Variants in TRMT11 observed in about 807,000 individuals in gnomAD.
TRMT11 encodes tRNA (guanine(10)-N(2))-methyltransferase TRMT11.
Under a neutral mutation model 62.8 loss-of-function variants are expected in TRMT11, and 53 were observed. The ratio of observed to expected loss-of-function variants is 0.84; its 90% confidence interval spans 0.68 to 1.06. TRMT11 has a LOEUF of 1.06. Among genes scored for constraint, TRMT11 ranks in the 50% least tolerant of loss-of-function variants. The pLI is 0.00. For synonymous variants in TRMT11, 188 were observed against 190.3 expected (o/e 0.99, Z 0.10); for missense variants, 556 against 553.4 (o/e 1.00, Z -0.05).
chr6:126,213,955 A>T, the TRMT11 span, among the ~76,000 whole-genome samples: 3 of 151,904 alleles, frequency 2.0e-5, no homozygotes, highest in Admixed American at 2.0e-4. Context: ...TTAATGAAGG[A>T]ATGTTAAATT....
At chr6:126,040,321 C>CTA (rs1383517314), downstream of TRMT11, among the ~76,000 whole-genome samples, 1 of 152,064 alleles carries the variant, frequency 6.6e-6, no homozygotes, top group East Asian at 1.9e-4. Flanking sequence ...GTCTTCTAAA[C>CTA]TATGATTCCT....
At chr6:126,125,872 T>C (rs932165064) in intron 21 of TRMT11, among the ~76,000 whole-genome samples, 15 of 152,212 alleles carry the variant, frequency 9.9e-5, no homozygotes, top group Middle Eastern at 3.4e-3. Context: ...TTAGACTATA[T>C]TGTCAACATT....
intron 21 of TRMT11, among the ~76,000 whole-genome samples, chr6:126,115,882 C>T (rs1165826168): frequency 6.6e-6 from 1 of 151,928 alleles, no homozygotes; most frequent in Non-Finnish European, 1.5e-5. Context: ...TTTGAGTACT[C>T]CCCAAATCAG....
At chr6:126,261,731 G>T in the TRMT11 span, among the ~76,000 whole-genome samples, 1 of 152,172 alleles carries the variant, frequency 6.6e-6, no homozygotes, top group Non-Finnish European at 1.5e-5. Context: ...TTGCCTTACT[G>T]GTCTAGGCTG....
At chr6:126,271,363 C>CAAAAA in the TRMT11 span, among the ~76,000 whole-genome samples, 345 of 35,762 alleles carry the variant, frequency 9.6e-3, no homozygotes, top group Middle Eastern at 0.036. Context: ...GACTCCATCT[C>CAAAAA]AAAAAAAAAA....
In TRMT11 at chr6:126,178,648, A is replaced by G. The variant is rs117317357; in HGVS notation, n.143+1313A>G. Among the ~76,000 whole-genome samples, 982 of 152,312 alleles carry G rather than the reference A, an allele frequency of 6.4e-3. 7 individuals carry two copies. The highest frequency in any genetic ancestry group is 0.012 in the Admixed American group (176 of 15,292). On this transcript the variant is annotated intron_variant and non_coding_transcript_variant, in intron 1 of 3. Coordinates refer to the TRMT11 transcript ENST00000444229. ...AAGTTGATTGAAATCCTAAGTATGT[A>G]TAGCGCATGTTTCCTTAGGGTCACC...
chr6:126,198,677 G>A (rs1415252090), intron 1 of TRMT11: 1 of 152,206 alleles, frequency 6.6e-6, no homozygotes, highest in East Asian at 1.9e-4. Flanking sequence ...TTGTCTGAAA[G>A]GCTGCCACAG....
chr6:126,244,518 T>C, the TRMT11 span, among the ~76,000 whole-genome samples: 2 of 152,154 alleles, frequency 1.3e-5, no homozygotes, highest in East Asian at 3.8e-4. Flanking sequence ...GGGCAACTAT[T>C]ACAAGCTTTG....
chr6:126,271,191 C>T, the TRMT11 span, among the ~76,000 whole-genome samples: 596 of 151,442 alleles, frequency 3.9e-3, 6 homozygotes, highest in African/African-American at 0.014. Context: ...TGGTGAAATC[C>T]GATCTCTACT....
intron 17 of TRMT11, among the ~76,000 whole-genome samples, chr6:126,084,579 T>C (rs552415144): frequency 1.3e-5 from 2 of 152,160 alleles, no homozygotes; most frequent in Non-Finnish European, 2.9e-5. Flanking sequence ...TGTAGTCTCA[T>C]TTATGTATTT....
chr6:126,242,056 T>A, the TRMT11 span, among the ~76,000 whole-genome samples: 1 of 151,978 alleles, frequency 6.6e-6, no homozygotes, highest in Non-Finnish European at 1.5e-5. Context: ...GCCCAAAATC[T>A]CCTTAAGTTG....
At chr6:126,130,760 TC>T (rs1777772855) in intron 21 of TRMT11, among the ~76,000 whole-genome samples, 1 of 152,100 alleles carries the variant, frequency 6.6e-6, no homozygotes, top group Admixed American at 6.6e-5. Context: ...CAAGATTTCT[TC>T]CAGGAGGGTA....
At chr6:126,237,568 C>G in the TRMT11 span, among the ~76,000 whole-genome samples, 5 of 152,140 alleles carry the variant, frequency 3.3e-5, no homozygotes, top group East Asian at 9.7e-4. Context: ...GACATCCTAG[C>G]TACTTGGGAG....
intron 17 of TRMT11, among the ~76,000 whole-genome samples, chr6:126,080,268 T>G (rs1777133997): frequency 6.6e-6 from 1 of 151,980 alleles, no homozygotes; most frequent in African/African-American, 2.4e-5. Flanking sequence ...TTGCTTTATT[T>G]TTTTTTTGTC....
At position 125,998,497 on chromosome 6, in the gene TRMT11, A is replaced by C; in HGVS notation, c.388-53A>C. 2.6e-6 allele frequency: 4 copies of C among 1,563,978 alleles called. No homozygotes were observed. In the South Asian group the frequency reaches 4.7e-5, roughly 18 times the overall value. On this transcript the variant is annotated intron_variant, in intron 5 of 12. Coordinates refer to ENST00000334379, the MANE Select transcript of TRMT11 (RefSeq NM_001031712.3). ...AAGGTAATGTTATTAGATAAGCGCC[A>C]TTTTTCATTGTAAATTATTATAAGA...
chr6:126,011,981 G>A (rs1794280220), intron 9 of TRMT11, among the ~76,000 whole-genome samples: 2 of 152,176 alleles, frequency 1.3e-5, no homozygotes, highest in South Asian at 4.1e-4. Context: ...CATGCCTCAT[G>A]AGGTCGTGAG....
At chr6:126,165,214 G>T (rs928858474) in intron 21 of TRMT11, among the ~76,000 whole-genome samples, 15 of 151,420 alleles carry the variant, frequency 9.9e-5, no homozygotes, top group African/African-American at 3.4e-4. Flanking sequence ...GGAGACGGAG[G>T]TTGCACTGAG....
At chr6:126,256,175 TGTCTTTA>T in the TRMT11 span, among the ~76,000 whole-genome samples, 1 of 152,192 alleles carries the variant, frequency 6.6e-6, no homozygotes, top group African/African-American at 2.4e-5. Context: ...GCTACTTGAG[TGTCTTTA>T]AGATATGATG....
intron 21 of TRMT11, among the ~76,000 whole-genome samples, chr6:126,143,784 T>G (rs970439138): frequency 5.9e-5 from 9 of 152,198 alleles, no homozygotes; most frequent in African/African-American, 2.2e-4. Context: ...CAAGTGTTGC[T>G]TGGCTGCATA....
Sources: gnomAD v4.1 joint callset for allele counts (sites outside exome capture counted in the v4.1 genomes callset) on GRCh38, gnomAD v4.1.1 for gene constraint, MANE v1.5 for transcripts, NCBI Gene and HGNC (gene_info 2026-07-23, HGNC 2026-07-21) for gene names.